The following CADM2 variants were observed in gnomAD, a reference collection of about 807,000 sequenced individuals.
CADM2 encodes immunoglobulin superfamily member 4D.
Under a neutral mutation model 49.8 loss-of-function variants are expected in CADM2, and 12 were observed. The ratio of observed to expected loss-of-function variants is 0.24; its 90% CI spans 0.15 to 0.39. The LOEUF is 0.39. CADM2 is among the 10% of genes least tolerant of loss of function. The pLI is 1.00. For missense variants in CADM2, 378 were observed against 492.3 expected (o/e 0.77, Z 2.20); for synonymous variants, 214 against 175.4 (o/e 1.22, Z -1.74).
intron 1 of CADM2, among the ~76,000 whole-genome samples, chr3:85,011,321 A>T (rs1238463080): frequency 4.6e-5 from 7 of 151,916 alleles, no homozygotes. Flanking sequence ...TGTTATTCAA[A>T]CTACATATTC....
chr3:85,366,563 A>G (rs905074262), intron 1 of CADM2, among the ~76,000 whole-genome samples: 4 of 152,170 alleles, frequency 2.6e-5, no homozygotes, highest in African/African-American at 9.6e-5. Flanking sequence ...TTATCAGGAA[A>G]AATTTAACCA....
intron 7 of CADM2, among the ~76,000 whole-genome samples, chr3:85,939,665 T>A (rs1205175227): frequency 6.6e-6 from 1 of 151,808 alleles, no homozygotes; most frequent in Non-Finnish European, 1.5e-5. Context: ...GAGATAAATA[T>A]GTATTTGGCA....
intron 1 of CADM2, among the ~76,000 whole-genome samples, chr3:85,364,558 C>A (rs997152003): frequency 6.6e-6 from 1 of 152,050 alleles, no homozygotes; most frequent in South Asian, 2.1e-4. Context: ...GAATGGCAAG[C>A]AGAATGAGAG....
At chr3:85,605,680 A>G (rs1392665953) in intron 1 of CADM2, among the ~76,000 whole-genome samples, 1 of 151,976 alleles carries the variant, frequency 6.6e-6, no homozygotes, top group Non-Finnish European at 1.5e-5. Context: ...CTTTATTTAG[A>G]TGATTCACCA....
At chr3:85,159,672 C>G (rs768885011) in intron 1 of CADM2, among the ~76,000 whole-genome samples, 1 of 152,076 alleles carries the variant, frequency 6.6e-6, no homozygotes, top group Non-Finnish European at 1.5e-5. Flanking sequence ...GCAAGCTAAC[C>G]GAATGATTAA....
Position 85,135,546 on chromosome 3 carries a change from A to G in CADM2, c.61+175878A>G, listed in dbSNP as rs115272992. Among the ~76,000 whole-genome samples, 291 of 152,232 alleles carry G rather than the reference A, an allele frequency of 1.9e-3. 2 individuals carry two copies. Among genetic ancestry groups the G allele is most frequent in the African/African-American group, 6.7e-3 (279 of 41,580 alleles). Reference sequence around the variant, plus strand: ...ACATATAGTACTCATCATTGTAATCAGAAATTACAGAAATCAGAATACCAT... The same window carrying G: ...ACATATAGTACTCATCATTGTAATCGGAAATTACAGAAATCAGAATACCAT... On this transcript the variant is annotated intron_variant, in intron 1 of 9. Coordinates refer to ENST00000383699, the MANE Select transcript of CADM2 (RefSeq NM_001167675.2).
In CADM2 at chr3:84,959,103, T is replaced by G. The variant is rs1351017260; in HGVS notation, c.-505T>G. On this transcript the variant is annotated 5_prime_UTR_variant, in exon 1 of 10. Coordinates refer to ENST00000383699, the MANE Select transcript of CADM2 (RefSeq NM_001167675.2). ...CGCTGCTACCGCCACTAGCGCTGCT[T>G]CCACTGCTTCTACCTCCCCTCCCAG... The G allele has an allele frequency of 5.1e-6, 1 of 194,448 alleles. No homozygotes were observed. Among genetic ancestry groups the G allele is most frequent in the Non-Finnish European group, 1.1e-5 (1 of 95,054 alleles). 12.0% of individuals were successfully genotyped at this position (194,448 alleles called of 1,614,324 possible).
intron 8 of CADM2, among the ~76,000 whole-genome samples, chr3:86,064,097 G>A (rs887751516): frequency 2.0e-5 from 3 of 151,378 alleles, no homozygotes; most frequent in African/African-American, 7.3e-5. Context: ...GGGTACATGT[G>A]CACAATGTGC....
Position 85,042,464 on chromosome 3 carries a change from A to AT in CADM2, c.61+82804dup, listed in dbSNP as rs1280342594. ...TTTGAGGGGTTTTTGACATCCTTAT[A>AT]TTTTTTTTCCACTCTGCTTTTTTCT... On this transcript the variant is annotated intron_variant, in intron 1 of 9. Transcript: ENST00000383699. Among the ~76,000 whole-genome samples, 6 of 150,488 alleles carry AT rather than the reference A, an allele frequency of 4.0e-5. No homozygotes were observed. In the East Asian group the frequency reaches 7.8e-4, roughly 20 times the overall value.
chr3:85,617,797 A>G (rs1045427036), intron 1 of CADM2, among the ~76,000 whole-genome samples: 14 of 152,178 alleles, frequency 9.2e-5, no homozygotes, highest in African/African-American at 3.4e-4. Flanking sequence ...TAGGAGCTGT[A>G]TGGTAGGATA....
At chr3:85,839,281 T>G (rs899389781) in intron 3 of CADM2, among the ~76,000 whole-genome samples, 3 of 151,828 alleles carry the variant, frequency 2.0e-5, no homozygotes, top group African/African-American at 7.2e-5. Flanking sequence ...GTTATTGAAA[T>G]AGTATAATTT....
In CADM2 at chr3:85,031,545, C is replaced by T. The variant is rs186004157; in HGVS notation, c.61+71877C>T. On this transcript the variant is annotated intron_variant, in intron 1 of 9. Transcript: ENST00000383699. Reference sequence around the variant, plus strand: ...TTATTATTATTTTGAGACGGAGTCTCGCTCTGTCGCCCGGGCTGGAGTGCA... The same window carrying T: ...TTATTATTATTTTGAGACGGAGTCTTGCTCTGTCGCCCGGGCTGGAGTGCA... 6.7e-4 allele frequency among the ~76,000 whole-genome samples: 102 copies of T among 152,174 alleles called. 1 individual carries two copies. Among genetic ancestry groups the T allele is most frequent in the African/African-American group, 2.3e-3 (94 of 41,532 alleles).
At chr3:85,752,810 T>G (rs1294989594) in intron 2 of CADM2, among the ~76,000 whole-genome samples, 1 of 152,060 alleles carries the variant, frequency 6.6e-6, no homozygotes, top group Admixed American at 6.6e-5. Flanking sequence ...GTAACACAAA[T>G]AGTTTTCAGA....
rs185533725 is a variant in CADM2 at position 86,020,024 on chromosome 3, A to G, written c.971-45581A>G. ...ACTGAAGGAAATAGAGACACAAAAA[A>G]CCCTTCAAAAAATTAATCCAGGAGC... is the stretch of plus-strand genomic sequence containing the variant. On this transcript the variant is annotated intron_variant, in intron 8 of 9. Transcript: ENST00000383699. Among the ~76,000 whole-genome samples the G allele has an allele frequency of 6.8e-4, 104 of 152,248 alleles. 1 individual carries two copies. The highest frequency in any genetic ancestry group is 4.0e-4 in the Non-Finnish European group (27 of 68,018).
intron 1 of CADM2, among the ~76,000 whole-genome samples, chr3:85,039,213 C>T (rs1003582619): frequency 7.2e-5 from 11 of 152,152 alleles, no homozygotes; most frequent in Non-Finnish European, 1.0e-4. Context: ...GTTGGTCAGG[C>T]TGGTATCGGA....
chr3:85,602,976 A>C (rs2063450867), intron 1 of CADM2, among the ~76,000 whole-genome samples: 1 of 151,648 alleles, frequency 6.6e-6, no homozygotes, highest in Admixed American at 6.6e-5. Flanking sequence ...GTTAGTACTG[A>C]CTTACACAAG....
intron 1 of CADM2, among the ~76,000 whole-genome samples, chr3:85,182,783 T>G (rs2040968043): frequency 6.6e-6 from 1 of 152,102 alleles, no homozygotes; most frequent in Admixed American, 6.6e-5. Context: ...GTTGTCTTAT[T>G]GTGCTTGTCT....
intron 1 of CADM2, among the ~76,000 whole-genome samples, chr3:85,499,891 G>A (rs1277395641): frequency 2.0e-5 from 3 of 152,122 alleles, no homozygotes; most frequent in Non-Finnish European, 4.4e-5. Flanking sequence ...TAAACCTTAT[G>A]TGGAAAACTG....
At chr3:85,804,509 A>G (rs1321146358) in intron 3 of CADM2, among the ~76,000 whole-genome samples, 2 of 152,152 alleles carry the variant, frequency 1.3e-5, no homozygotes, top group African/African-American at 2.4e-5. Context: ...CCACAGGTGT[A>G]TAATGACAAT....
Sources: allele counts gnomAD v4.1 joint callset (sites outside exome capture counted in the v4.1 genomes callset), GRCh38; gene constraint gnomAD v4.1.1; transcripts MANE v1.5; gene names NCBI Gene and HGNC (gene_info 2026-07-23, HGNC 2026-07-21).